UNC80: variants seen among roughly 807,000 people sequenced by gnomAD.
UNC80 encodes the protein protein unc-80 homolog.
In UNC80, 164 loss-of-function variants were observed where a neutral mutation model predicts 384.6. That is an observed-to-expected ratio of 0.43 (90% confidence interval 0.38 to 0.49). The LOEUF (loss-of-function observed/expected upper bound fraction) is 0.49. Ranked by LOEUF, UNC80 falls within the 20% of genes least tolerant of loss-of-function variation. The pLI, the probability that UNC80 is intolerant of heterozygous loss-of-function variation, is 0.00. For synonymous variants in UNC80, 1,486 were observed against 1,527.8 expected (o/e 0.97, Z 0.64); for missense variants, 3,330 against 4,143.0 (o/e 0.80, Z 5.39).
chr2:209,930,067 C>T, intron 37 of UNC80, 96 bp downstream of exon 37: 1 of 581,864 alleles, frequency 1.7e-6, no homozygotes, highest in East Asian at 3.3e-5. Flanking sequence ...GCATGCAACT[C>T]AATGCCCTCC....
At chr2:209,819,862 T>C (rs2080016600) in intron 12 of UNC80, among the ~76,000 whole-genome samples, 2 of 152,190 alleles carry the variant, frequency 1.3e-5, no homozygotes. Context: ...TTAAATGAAA[T>C]ATGAATAATG....
chr2:209,945,362 T>C (rs2091864382), intron 46 of UNC80, among the ~76,000 whole-genome samples, 173 bp downstream of exon 46: 1 of 152,216 alleles, frequency 6.6e-6, no homozygotes, highest in Non-Finnish European at 1.5e-5. Flanking sequence ...TTTTTTTTCT[T>C]AAATTTCTTA....
intron 20 of UNC80, among the ~76,000 whole-genome samples, chr2:209,840,991 C>T (rs1300688771): frequency 6.6e-6 from 1 of 152,200 alleles, no homozygotes; most frequent in Non-Finnish European, 1.5e-5. Flanking sequence ...GGTAATTTTA[C>T]AGTGATCCCT....
intron 6 of UNC80, 90 bp downstream of exon 6, chr2:209,789,695 C>A: frequency 2.2e-6 from 2 of 911,008 alleles, no homozygotes; most frequent in Non-Finnish European, 3.5e-6. Flanking sequence ...TCTAGAATCA[C>A]TACCAGGCTC....
chr2:209,912,708 C>T, intron 30 of UNC80, 41 bp downstream of exon 30: 4 of 1,383,674 alleles, frequency 2.9e-6, no homozygotes, highest in South Asian at 1.3e-5. Flanking sequence ...GAACTTTTAA[C>T]AGGGAGGGGA....
intron 28 of UNC80, among the ~76,000 whole-genome samples, chr2:209,896,695 A>G (rs557205412): frequency 2.0e-5 from 3 of 152,194 alleles, no homozygotes; most frequent in Non-Finnish European, 4.4e-5. Context: ...TTGGTGGTCA[A>G]GATAACCTGA....
chr2:209,817,720 A>C (rs1232226233), intron 10 of UNC80, 92 bp from the exon 11 acceptor site: 4 of 1,461,096 alleles, frequency 2.7e-6, no homozygotes, highest in Non-Finnish European at 3.7e-6. Flanking sequence ...ACAGCCCCAC[A>C]CTCTCCCTGC....
Position 209,981,667 on chromosome 2 carries a change from G to A in UNC80, c.9119-512G>A, listed in dbSNP as rs545027270. ...TCACATACTTAAATTTTAAAATTTC[G>A]GTTAAAATCAGCATTTATTTCTTAA... is the stretch of plus-strand genomic sequence containing the variant. On this transcript the variant is annotated intron_variant, in intron 59 of 64. Transcript: ENST00000673920. 7.9e-5 allele frequency among the ~76,000 whole-genome samples: 12 copies of A among 152,188 alleles called. No homozygotes were observed. The South Asian group carries it at 1.0e-3, about 13-fold the overall frequency.
intron 5 of UNC80, among the ~76,000 whole-genome samples, chr2:209,789,250 G>A (rs2077646527): frequency 6.6e-6 from 1 of 152,188 alleles, no homozygotes; most frequent in African/African-American, 2.4e-5. Context: ...ATTAGGTGCT[G>A]AGTAGGTGTT....
intron 22 of UNC80, among the ~76,000 whole-genome samples, chr2:209,871,010 G>A (rs891443111): frequency 5.9e-5 from 9 of 152,174 alleles, no homozygotes; most frequent in South Asian, 2.1e-4. Flanking sequence ...TAAAGCACTT[G>A]AGATGGGCAT....
chr2:209,847,310 A>G (rs1241523963), intron 21 of UNC80, among the ~76,000 whole-genome samples: 1 of 151,930 alleles, frequency 6.6e-6, no homozygotes, highest in East Asian at 1.9e-4. Context: ...AATTAATTAT[A>G]AAATATTTCA....
At chr2:209,785,956 ATT>A in intron 4 of UNC80, 108 bp from the exon 5 acceptor site, 1 of 1,266,582 alleles carries the variant, frequency 7.9e-7, no homozygotes, top group Non-Finnish European at 1.1e-6. Context: ...TGGCAGATAA[ATT>A]CACTCTGAAA....
At chr2:209,848,971 A>G (rs773716471) in intron 21 of UNC80, among the ~76,000 whole-genome samples, 58 of 152,080 alleles carry the variant, frequency 3.8e-4, no homozygotes, top group African/African-American at 1.0e-3. Context: ...TAACTGAGAA[A>G]AGGTTTTTCC....
At chr2:209,814,389 GC>G (rs1372358700) in intron 8 of UNC80, among the ~76,000 whole-genome samples, 6 of 151,864 alleles carry the variant, frequency 4.0e-5, no homozygotes, top group Non-Finnish European at 8.8e-5. Flanking sequence ...GACTACAGGC[GC>G]CCGCCACCAC....
At chr2:209,776,983 A>G (rs1384951603) in intron 3 of UNC80, among the ~76,000 whole-genome samples, 1 of 152,160 alleles carries the variant, frequency 6.6e-6, no homozygotes, top group East Asian at 1.9e-4. Flanking sequence ...TTATCTTCAG[A>G]GTCTATATTT....
Position 209,775,800 on chromosome 2 carries a change from A to T in UNC80, c.142-89A>T, listed in dbSNP as rs546088586. The T allele has an allele frequency of 1.6e-4, 220 of 1,400,764 alleles. No homozygotes were observed. In the African/African-American group the frequency reaches 3.0e-3, roughly 19 times the overall value. 86.8% of individuals were successfully genotyped at this position (1,400,764 alleles called of 1,614,324 possible). A position where few individuals can be genotyped will look rare whatever the true frequency, so the allele number is the denominator to read the frequency against. On this transcript the variant is annotated intron_variant, in intron 2 of 64. Coordinates refer to ENST00000673920, the MANE Select transcript of UNC80 (RefSeq NM_001371986.1). ...TAAGGGGTACAGTACCTTGCTGTTCATTTTTTCACTAACCAGAATCTTCAA... is the reference window on the plus strand; with the variant it reads ...TAAGGGGTACAGTACCTTGCTGTTCTTTTTTTCACTAACCAGAATCTTCAA...
rs572646178 is a variant in UNC80, at chr2:209,771,920, G to A, written c.-153G>A. ...TTCCACGCGCGGGGAGGGGTGGGGG[G>A]AGGGGAGAGGCACGGGGGATCAGGG... On this transcript the variant is annotated 5_prime_UTR_variant, in exon 1 of 65. Coordinates refer to ENST00000673920, the MANE Select transcript of UNC80 (RefSeq NM_001371986.1). 1.4e-5 allele frequency: 9 copies of A among 638,306 alleles called. No homozygotes were observed. Among genetic ancestry groups the A allele is most frequent in the Non-Finnish European group, 2.6e-5 (9 of 341,646 alleles). The allele number at this position is 638,306 out of a possible 1,614,324, so 39.5% of individuals were successfully genotyped here. A position where few individuals can be genotyped will look rare whatever the true frequency, so the allele number is the denominator to read the frequency against.
intron 3 of UNC80, 115 bp from the exon 4 acceptor site, chr2:209,777,143 A>C: frequency 8.4e-7 from 1 of 1,191,062 alleles, no homozygotes; most frequent in African/African-American, 1.5e-5. Flanking sequence ...CCCTGCTAGC[A>C]GTGGTTGTAA....
intron 17 of UNC80, 116 bp downstream of exon 17, chr2:209,834,284 A>G (rs2081195637): frequency 8.5e-7 from 1 of 1,170,920 alleles, no homozygotes. Context: ...TGGTAAAATT[A>G]TCTTGCGTAA....
Sources: gnomAD v4.1 joint callset for allele counts (sites outside exome capture counted in the v4.1 genomes callset) on GRCh38, gnomAD v4.1.1 for gene constraint, MANE v1.5 for transcripts, NCBI Gene and HGNC (gene_info 2026-07-23, HGNC 2026-07-21) for gene names.